The following FBXO32 variants were observed in gnomAD, a reference collection of about 807,000 sequenced individuals.
FBXO32 encodes F-box protein 32.
In FBXO32, 15 loss-of-function variants were observed where a neutral mutation model predicts 48.3. The ratio of observed to expected loss-of-function variants is 0.31; its 90% CI spans 0.21 to 0.48. FBXO32 has a LOEUF of 0.48. Among genes scored for constraint, FBXO32 ranks in the 20% least tolerant of loss-of-function variants. FBXO32 has a pLI of 0.99. For missense variants in FBXO32, 309 were observed against 432.7 expected (o/e 0.71, Z 2.54); for synonymous variants, 154 against 165.9 (o/e 0.93, Z 0.55).
rs1190778014 is a variant in FBXO32, at chr8:123,506,812, C to A, written c.652-238G>T. 1.3e-5 allele frequency among the ~76,000 whole-genome samples: 2 copies of A among 152,180 alleles called. No homozygotes were observed. On this transcript the variant is annotated intron_variant, in intron 6 of 8. Coordinates refer to ENST00000517956, the MANE Select transcript of FBXO32 (RefSeq NM_058229.4). The surrounding 1 kb of genome is among the most constrained non-coding windows in gnomAD (Gnocchi z 4.0). ...GTGCCAGAGGGATCGCCCTACATTT[C>A]CAAAGCTTGAAACTTTCACTCTTAA...
At position 123,501,757 on chromosome 8, in the gene FBXO32, C is replaced by G. The variant is rs1318039250; in HGVS notation, c.*1616G>C. 6.6e-6 allele frequency: 1 copy of G among 152,138 alleles called. No homozygotes were observed. The highest frequency in any genetic ancestry group is 1.5e-5 in the Non-Finnish European group (1 of 68,032). 9.4% of individuals were successfully genotyped at this position (152,138 alleles called of 1,614,324 possible). On this transcript the variant is annotated 3_prime_UTR_variant, in exon 9 of 9. Coordinates refer to ENST00000517956, the MANE Select transcript of FBXO32 (RefSeq NM_058229.4). ...CCAAAGCTCAGCTCTTAAAGATACA[C>G]TGTTCCTCAACTTGAATGTGGACTG...
At chr8:123,521,862 G>A (rs573365039) in intron 4 of FBXO32, among the ~76,000 whole-genome samples, 8 of 152,168 alleles carry the variant, frequency 5.3e-5, no homozygotes, top group East Asian at 1.9e-4. Flanking sequence ...GGAAGGTTGC[G>A]TCTTCTATAA....
intron 4 of FBXO32, among the ~76,000 whole-genome samples, chr8:123,518,488 C>A (rs1442957614): frequency 6.6e-6 from 1 of 152,166 alleles, no homozygotes; most frequent in East Asian, 1.9e-4. Context: ...TCCTTTCTGT[C>A]ATTTTACTAT....
intron 1 of FBXO32, among the ~76,000 whole-genome samples, chr8:123,535,393 A>C (rs1817290002): frequency 6.6e-6 from 1 of 152,186 alleles, no homozygotes; most frequent in South Asian, 2.1e-4. Flanking sequence ...TATAAACTCC[A>C]TTTCTAGGAG....
chr8:123,528,911 T>C (rs943753036), intron 4 of FBXO32, among the ~76,000 whole-genome samples: 2 of 152,218 alleles, frequency 1.3e-5, no homozygotes, highest in African/African-American at 4.8e-5. Context: ...CATTGTAGCA[T>C]TTAAACAACA....
At chr8:123,512,984 C>A (rs539171516) in intron 6 of FBXO32, among the ~76,000 whole-genome samples, 36 of 152,350 alleles carry the variant, frequency 2.4e-4, no homozygotes, top group Non-Finnish European at 1.3e-4. Context: ...AGGCTGTCAT[C>A]TTTCATGTAC....
chr8:123,533,479 A>G (rs1817249028), intron 2 of FBXO32, among the ~76,000 whole-genome samples: 1 of 152,054 alleles, frequency 6.6e-6, no homozygotes, highest in Non-Finnish European at 1.5e-5. Context: ...CAAAGCTCCA[A>G]ACTACTATAT....
At position 123,523,987 on chromosome 8, in the gene FBXO32, T is replaced by TA. The variant is rs1272553052; in HGVS notation, c.372+7910dup. On this transcript the variant is annotated intron_variant, in intron 4 of 8. Transcript: ENST00000517956. ...TCATTCTCACAGCAACACTGCAGGG[T>TA]AGACATCATTACTGGCATCTTTTAG... Among the ~76,000 whole-genome samples, 15 of 152,330 alleles carry TA rather than the reference T, an allele frequency of 9.8e-5. No homozygotes were observed. In the East Asian group the frequency reaches 2.9e-3, roughly 29 times the overall value.
At chr8:123,528,682 A>C (rs1587000606) in intron 4 of FBXO32, among the ~76,000 whole-genome samples, 1 of 152,374 alleles carries the variant, frequency 6.6e-6, no homozygotes, top group Middle Eastern at 3.4e-3. Context: ...TGAAATTTTC[A>C]TGCTGAGTGA....
Position 123,504,698 on chromosome 8 carries a change from T to G in FBXO32, c.884A>C (p.Lys295Thr), listed in dbSNP as rs1470097321. Residue 295 changes from lysine (K) to threonine (T), a missense_variant, in exon 8 of 9, where the codon AAG becomes ACG. Physicochemically the swap from Lys to Thr is moderately conservative, Grantham distance 78 (BLOSUM62 -1). Transcript: ENST00000517956. ...LSDKGQLDWK[K>T]MYFKLVRCYP... ...ACATCGGACAAGTTTGAAATACATC[T>G]TCTTCCAATCCAGCTGCCCTTTGTC... is the stretch of plus-strand genomic sequence containing the variant. The G allele has an allele frequency of 6.2e-7, 1 of 1,614,024 alleles. No individual in the cohort carries two copies. Among genetic ancestry groups the G allele is most frequent in the Non-Finnish European group, 8.5e-7 (1 of 1,180,010 alleles).
At chr8:123,523,505 G>T (rs1201286714) in intron 4 of FBXO32, among the ~76,000 whole-genome samples, 1 of 151,996 alleles carries the variant, frequency 6.6e-6, no homozygotes, top group Non-Finnish European at 1.5e-5. Flanking sequence ...CAGGAGAATC[G>T]CTTGAACCCA....
At position 123,509,384 on chromosome 8, in the gene FBXO32, C is replaced by T. The variant is rs549381920; in HGVS notation, c.652-2810G>A. ...TTTTTCTTTCTCTCTCTCTCAATTT[C>T]TCTTTCCTCTGCAGAGTTGAGCTTC... On this transcript the variant is annotated intron_variant, in intron 6 of 8. Transcript: ENST00000517956. Among the ~76,000 whole-genome samples the T allele has an allele frequency of 3.0e-4, 46 of 152,238 alleles. 1 individual carries two copies. In the South Asian group the frequency reaches 9.6e-3, roughly 32 times the overall value.
chr8:123,501,162 T>C lies in FBXO32; in HGVS notation c.*2211A>G, dbSNP rs2130489116. On this transcript the variant is annotated 3_prime_UTR_variant, in exon 9 of 9. Transcript: ENST00000517956. Reference sequence around the variant, plus strand: ...GTTGGTGGCAACATGTGGAAGGCCATGAACCCCTAAATCTAAAAATGTCAC... The same window carrying C: ...GTTGGTGGCAACATGTGGAAGGCCACGAACCCCTAAATCTAAAAATGTCAC... 1 of 152,314 alleles carries C rather than the reference T, an allele frequency of 6.6e-6. No homozygotes were observed. The highest frequency in any genetic ancestry group is 1.9e-4 in the East Asian group (1 of 5,182). 9.4% of individuals were successfully genotyped at this position (152,314 alleles called of 1,614,324 possible). A position where few individuals can be genotyped will look rare whatever the true frequency, so the allele number is the denominator to read the frequency against.
intron 3 of FBXO32, among the ~76,000 whole-genome samples, chr8:123,532,558 T>C (rs1373879228): frequency 6.6e-6 from 1 of 152,224 alleles, no homozygotes; most frequent in Non-Finnish European, 1.5e-5. Context: ...TCTGAGTATC[T>C]GGGTGGTCTT....
chr8:123,534,138 A>C (rs1817266303), intron 2 of FBXO32, among the ~76,000 whole-genome samples: 1 of 149,070 alleles, frequency 6.7e-6, no homozygotes, highest in Non-Finnish European at 1.5e-5. Flanking sequence ...AAAAAAAAAC[A>C]CCCCTAATAC....
chr8:123,524,880 G>C (rs533186495), intron 4 of FBXO32, among the ~76,000 whole-genome samples: 35 of 152,300 alleles, frequency 2.3e-4, no homozygotes, highest in Admixed American at 8.5e-4. Context: ...TGCTGCAGTG[G>C]TTGGCCTTTT....
chr8:123,507,409 A>G (rs544510740), intron 6 of FBXO32, among the ~76,000 whole-genome samples: 9 of 151,696 alleles, frequency 5.9e-5, no homozygotes, highest in Non-Finnish European at 1.0e-4. Context: ...AAATAGGTAG[A>G]AAACAATAAC....
intron 4 of FBXO32, among the ~76,000 whole-genome samples, chr8:123,526,795 G>A (rs1415913927): frequency 6.6e-6 from 1 of 152,150 alleles, no homozygotes; most frequent in African/African-American, 2.4e-5. Flanking sequence ...TGGTGTCAGG[G>A]TAGGTAACTT....
intron 4 of FBXO32, among the ~76,000 whole-genome samples, chr8:123,529,209 A>T (rs553101981): frequency 6.6e-6 from 1 of 152,344 alleles, no homozygotes; most frequent in Non-Finnish European, 1.5e-5. Flanking sequence ...TTTCTCTAAG[A>T]TTATTTAAAG....
Sources: allele counts gnomAD v4.1 joint callset (sites outside exome capture counted in the v4.1 genomes callset), GRCh38; gene constraint gnomAD v4.1.1; non-coding constraint Gnocchi (gnomAD v3.1); transcripts MANE v1.5; gene names NCBI Gene and HGNC (gene_info 2026-07-23, HGNC 2026-07-21).